EYS: variants seen among roughly 807,000 people sequenced by gnomAD.
EYS encodes EGF-like photoreceptor maintenance factor.
Under a neutral mutation model 282.1 loss-of-function variants are expected in EYS, and 250 were observed. The observed-to-expected ratio is 0.89, with a 90% CI of 0.80 to 0.98. EYS has a LOEUF of 0.98. Among genes scored for constraint, EYS ranks in the 50% least tolerant of loss-of-function variants. The probability of loss-of-function intolerance (pLI) is 0.00; values close to 1 mark genes in which losing one functional copy is unlikely to be tolerated. For missense variants in EYS, 4,016 were observed against 3,709.0 expected (o/e 1.08, Z -2.15); for synonymous variants, 1,355 against 1,282.9 (o/e 1.06, Z -1.20).
At chr6:65,256,262 CTTTT>C (rs561232052) in intron 12 of EYS, among the ~76,000 whole-genome samples, 14 of 137,236 alleles carry the variant, frequency 1.0e-4, no homozygotes, top group African/African-American at 2.7e-4. Flanking sequence ...AGACAAACTT[CTTTT>C]TTTTTTTCTT....
At chr6:64,797,446 A>G (rs1774392052) in intron 22 of EYS, among the ~76,000 whole-genome samples, 1 of 151,992 alleles carries the variant, frequency 6.6e-6, no homozygotes, top group African/African-American at 2.4e-5. Context: ...AAATGGGTGA[A>G]TTTTCAGAGA....
intron 2 of EYS, among the ~76,000 whole-genome samples, chr6:65,602,885 G>C (rs559636819): frequency 6.6e-6 from 1 of 152,030 alleles, no homozygotes; most frequent in South Asian, 2.1e-4. Flanking sequence ...ATTTACATTT[G>C]TTGTCCTAAC....
At chr6:65,176,850 G>A (rs1203190693) in intron 12 of EYS, among the ~76,000 whole-genome samples, 1 of 151,554 alleles carries the variant, frequency 6.6e-6, no homozygotes, top group African/African-American at 2.4e-5. Flanking sequence ...TAAAATACAT[G>A]CTAATTATAA....
chr6:65,582,971 C>T (rs1324064116), intron 2 of EYS, among the ~76,000 whole-genome samples: 2 of 152,000 alleles, frequency 1.3e-5, no homozygotes, highest in Non-Finnish European at 2.9e-5. Context: ...TACTAATATA[C>T]TGATAGTGGT....
intron 12 of EYS, among the ~76,000 whole-genome samples, chr6:65,281,079 C>A (rs1237459971): frequency 1.4e-5 from 2 of 145,082 alleles, no homozygotes; most frequent in Admixed American, 6.9e-5. Flanking sequence ...TAACACCTAA[C>A]TATTGAGGTA....
intron 30 of EYS, among the ~76,000 whole-genome samples, chr6:64,270,739 C>G (rs1767916141): frequency 6.6e-6 from 1 of 152,136 alleles, no homozygotes; most frequent in South Asian, 2.1e-4. Context: ...ATAAACAGAA[C>G]ATCAGTAGCA....
chr6:64,122,942 C>A (rs957182645), intron 31 of EYS, among the ~76,000 whole-genome samples: 1 of 151,624 alleles, frequency 6.6e-6, no homozygotes, highest in Non-Finnish European at 1.5e-5. Context: ...TCAGTGTTAT[C>A]AGTGAATATT....
At chr6:64,309,758 A>G (rs1202162349) in intron 29 of EYS, among the ~76,000 whole-genome samples, 1 of 152,090 alleles carries the variant, frequency 6.6e-6, no homozygotes, top group Non-Finnish European at 1.5e-5. Flanking sequence ...TGAGGTCAAG[A>G]GATCAAGACC....
intron 22 of EYS, among the ~76,000 whole-genome samples, chr6:64,652,920 C>T (rs544467730): frequency 5.3e-5 from 8 of 152,220 alleles, no homozygotes; most frequent in South Asian, 2.1e-4. Context: ...TACATACATT[C>T]GCACAGTTTT....
intron 5 of EYS, among the ~76,000 whole-genome samples, chr6:65,406,180 G>T (rs1172883541): frequency 1.3e-5 from 2 of 151,898 alleles, no homozygotes; most frequent in African/African-American, 4.8e-5. Flanking sequence ...ATTATTTTTA[G>T]CATCTTCTGG....
chr6:65,381,850 A>T (rs1765625193), intron 8 of EYS, among the ~76,000 whole-genome samples: 1 of 152,028 alleles, frequency 6.6e-6, no homozygotes, highest in Non-Finnish European at 1.5e-5. Flanking sequence ...TAATTTTAAG[A>T]ATTTTAAAAA....
At chr6:64,472,367 G>C (rs1050196566) in intron 26 of EYS, among the ~76,000 whole-genome samples, 5 of 152,192 alleles carry the variant, frequency 3.3e-5, no homozygotes, top group Admixed American at 6.5e-5. Flanking sequence ...ATTTATTTCA[G>C]AAGTCAACAT....
In EYS at chr6:65,042,934, A is replaced by G. The variant is rs1017803067; in HGVS notation, c.2137+14680T>C. On this transcript the variant is annotated intron_variant, in intron 13 of 42. Coordinates refer to ENST00000503581, the MANE Select transcript of EYS (RefSeq NM_001142800.2). ...ACATTTTAATTTATTTCTGTTGGGA[A>G]GCACTGGCCTCGGTTATGTCTATGT... Among the ~76,000 whole-genome samples, 3 of 151,472 alleles carry G rather than the reference A, an allele frequency of 2.0e-5. No individual in the cohort carries two copies. In the Admixed American group the frequency reaches 2.0e-4, roughly 10 times the overall value.
intron 10 of EYS, among the ~76,000 whole-genome samples, chr6:65,337,610 A>T (rs971453701): frequency 1.3e-5 from 2 of 151,164 alleles, no homozygotes; most frequent in East Asian, 2.0e-4. Flanking sequence ...AAAAAAAGAG[A>T]ATATTCTCTT....
chr6:65,131,358 C>G (rs1253936258), intron 12 of EYS, among the ~76,000 whole-genome samples: 1 of 151,784 alleles, frequency 6.6e-6, no homozygotes, highest in Admixed American at 6.6e-5. Context: ...TGCAGAAGAA[C>G]TGAAATCATA....
intron 33 of EYS, among the ~76,000 whole-genome samples, chr6:64,035,954 A>G (rs530455145): frequency 3.9e-4 from 60 of 152,306 alleles, no homozygotes; most frequent in African/African-American, 1.4e-3. Context: ...TGTACTTCTG[A>G]TCTTCTTGAA....
At chr6:65,243,239 T>C (rs979047269) in intron 12 of EYS, among the ~76,000 whole-genome samples, 3 of 152,222 alleles carry the variant, frequency 2.0e-5, no homozygotes, top group Non-Finnish European at 4.4e-5. Flanking sequence ...TGGGTTCTAT[T>C]TCAGATCATC....
rs1340753942 is a variant in EYS, at chr6:65,384,400, T to C, written c.1285A>G (p.Ile429Val). 9 of 1,597,420 alleles carry C rather than the reference T, an allele frequency of 5.6e-6. No homozygotes were observed. Among genetic ancestry groups the C allele is most frequent in the Non-Finnish European group, 6.9e-6 (8 of 1,167,146 alleles). Residue 429 changes from isoleucine to valine, a missense_variant, in exon 8 of 43, where the codon ATT becomes GTT. By Grantham distance (29) the Ile-to-Val change is conservative. Coordinates refer to ENST00000503581, the MANE Select transcript of EYS (RefSeq NM_001142800.2). The part of the protein sequence containing the change: ...CLNEEWCFNI[I>V]GRFKYVCIPG... The stretch of plus-strand genomic sequence containing the variant: ...AAATTACTTACTTTGAATCTTCCAA[T>C]TATATTGAAACACCATTCTTCATTC...
intron 19 of EYS, among the ~76,000 whole-genome samples, chr6:64,865,841 T>C (rs1029214107): frequency 6.6e-6 from 1 of 152,054 alleles, no homozygotes; most frequent in Non-Finnish European, 1.5e-5. Context: ...TAAGATTATT[T>C]CATTGTGTAA....
Sources: allele counts gnomAD v4.1 joint callset (sites outside exome capture counted in the v4.1 genomes callset), GRCh38; gene constraint gnomAD v4.1.1; transcripts MANE v1.5; gene names NCBI Gene and HGNC (gene_info 2026-07-23, HGNC 2026-07-21).